The following SNX31 variants were observed in gnomAD, a reference collection of about 807,000 sequenced individuals.
The protein encoded by SNX31 is sorting nexin 31.
SNX31 carries 58 observed loss-of-function variants against 65.4 expected under a neutral mutation model. The ratio of observed to expected loss-of-function variants is 0.89; its 90% CI spans 0.72 to 1.10. The LOEUF is 1.10. SNX31 is among the 50% of genes least tolerant of loss of function. SNX31 has a pLI of 0.00. For synonymous variants in SNX31, 181 were observed against 190.1 expected (o/e 0.95, Z 0.39); for missense variants, 523 against 529.7 (o/e 0.99, Z 0.12).
At chr8:100,646,030 G>A (rs1233778989) in intron 2 of SNX31, among the ~76,000 whole-genome samples, 1 of 152,248 alleles carries the variant, frequency 6.6e-6, no homozygotes, top group African/African-American at 2.4e-5. Flanking sequence ...AGATGTTGGA[G>A]GCCTGGGGTC....
chr8:100,582,905 C>T (rs1404620042), intron 12 of SNX31, among the ~76,000 whole-genome samples: 3 of 151,298 alleles, frequency 2.0e-5, no homozygotes, highest in Non-Finnish European at 4.4e-5. Flanking sequence ...ATGGTGTGAA[C>T]CCGGAAGGCG....
chr8:100,659,561 T>C (rs1370341172), intron 1 of SNX31, among the ~76,000 whole-genome samples: 3 of 152,174 alleles, frequency 2.0e-5, no homozygotes, highest in African/African-American at 7.2e-5. Context: ...CGAGAATGTT[T>C]CCTGCTTTTC....
chr8:100,652,948 G>GA (rs1410601253), upstream of SNX31, among the ~76,000 whole-genome samples: 3 of 152,000 alleles, frequency 2.0e-5, no homozygotes, highest in Non-Finnish European at 4.4e-5. Flanking sequence ...GTGGCCATAT[G>GA]AAAAAAAGGG....
chr8:100,606,297 AGTGCTGGGATTACAG>A (rs1163742070), intron 8 of SNX31, among the ~76,000 whole-genome samples: 11 of 152,218 alleles, frequency 7.2e-5, no homozygotes, highest in African/African-American at 2.7e-4. Flanking sequence ...AGCCTCTCAA[AGTGCTGGGATTACAG>A]GTGTGTGTCC....
intron 12 of SNX31, among the ~76,000 whole-genome samples, chr8:100,580,907 C>A (rs1813437430): frequency 6.6e-6 from 1 of 152,080 alleles, no homozygotes; most frequent in Non-Finnish European, 1.5e-5. Context: ...TAATTAAGAG[C>A]AGCAAATATT....
rs564864798 is a variant in SNX31, at chr8:100,655,455, C to T, written c.-58+7687G>A. On this transcript the variant is annotated intron_variant, in intron 1 of 5. Transcript: ENST00000520352. ...TCACTGAATCATGGGGGCAGTTTCC[C>T]CCATACTGTTCTCGTGGTGGTGAAT... 8.4e-4 allele frequency among the ~76,000 whole-genome samples: 128 copies of T among 152,132 alleles called. No homozygotes were observed. The Middle Eastern group carries it at 0.014, about 16-fold the overall frequency.
rs763791608 is a variant in SNX31 at position 100,630,423 on chromosome 8, A to ATGGGC, written c.257-37_257-33dup. 54 of 1,604,088 alleles carry ATGGGC rather than the reference A, an allele frequency of 3.4e-5. 1 individual carries two copies. The South Asian group carries it at 4.6e-4, about 14-fold the overall frequency. On this transcript the variant is annotated intron_variant, in intron 3 of 13. Coordinates refer to ENST00000311812, the MANE Select transcript of SNX31 (RefSeq NM_152628.4). This position sits in a 1 kb window ranked among gnomAD's most constrained non-coding sequence, Gnocchi z 5.3. ...AACATGGACGGTGAGCCAGGTTAGC[A>ATGGGC]TGGGCTGGGCTGGGCCCTGCCTATT...
intron 13 of SNX31, 107 bp from the exon 14 acceptor site, chr8:100,574,067 T>TTA: frequency 1.7e-6 from 1 of 600,366 alleles, no homozygotes; most frequent in Non-Finnish European, 2.8e-6. Flanking sequence ...AACAGAAAGC[T>TTA]TACATTTGTA....
At chr8:100,599,642 G>A (rs372413998) in intron 9 of SNX31, among the ~76,000 whole-genome samples, 22 of 151,744 alleles carry the variant, frequency 1.4e-4, no homozygotes, top group Admixed American at 3.9e-4. Flanking sequence ...GTTGTATTTC[G>A]TTCAAAAATC....
rs1052833255 is a variant in SNX31 at position 100,610,710 on chromosome 8, T to C, written c.611+1290A>G. 2.0e-5 allele frequency among the ~76,000 whole-genome samples: 3 copies of C among 152,208 alleles called. No individual in the cohort carries two copies. The highest frequency in any genetic ancestry group is 4.4e-5 in the Non-Finnish European group (3 of 68,044). On this transcript the variant is annotated intron_variant, in intron 7 of 13. Transcript: ENST00000311812. The surrounding 1 kb of genome is among the most constrained non-coding windows in gnomAD (Gnocchi z 4.0). ...ATGGAACTGAGTTCTTCTCCCCTTC[T>C]CAGGGTTTCACATCTCAAGATCTGG...
At chr8:100,600,054 T>C (rs1055487416) in intron 9 of SNX31, among the ~76,000 whole-genome samples, 17 of 152,166 alleles carry the variant, frequency 1.1e-4, no homozygotes, top group Admixed American at 1.1e-3. Context: ...AGCCAAACGA[T>C]AATATAACCA....
At chr8:100,596,201 A>G (rs7834792) in intron 10 of SNX31, among the ~76,000 whole-genome samples, 8,411 of 152,218 alleles carry the variant, frequency 0.055, 789 homozygotes, top group African/African-American at 0.19. Context: ...CAAAGTGGGC[A>G]CTCAATAAAT....
Position 100,635,231 on chromosome 8 carries a change from T to TTTATTTATTTATTTATTTATTTATTTAC in SNX31, c.256+665_256+666insGTAAATAAATAAATAAATAAATAAATAA, listed in dbSNP as rs1818682181. ...AGTGAGACCTCATCTCTTTTATTTA[T>TTTATTTATTTATTTATTTATTTATTTAC]TTATTTATTTATTTTTATCTTTTTT... On this transcript the variant is annotated intron_variant, in intron 3 of 13. Coordinates refer to ENST00000311812, the MANE Select transcript of SNX31 (RefSeq NM_152628.4). Among the ~76,000 whole-genome samples, 14 of 151,768 alleles carry TTTATTTATTTATTTATTTATTTATTTAC rather than the reference T, an allele frequency of 9.2e-5. No homozygotes were observed. In the South Asian group the frequency reaches 2.9e-3, roughly 32 times the overall value.
In SNX31 at chr8:100,648,855, C is replaced by A. The variant is rs1039606857; in HGVS notation, c.141+419G>T. ...CTCTCGAGACAAAGGAGATTAAATACCCATGTACAAGACTCCAAAGACTCT... is the reference window on the plus strand; with the variant it reads ...CTCTCGAGACAAAGGAGATTAAATAACCATGTACAAGACTCCAAAGACTCT... On this transcript the variant is annotated intron_variant, in intron 2 of 13. Coordinates refer to ENST00000311812, the MANE Select transcript of SNX31 (RefSeq NM_152628.4). The surrounding 1 kb of genome is among the most constrained non-coding windows in gnomAD (Gnocchi z 4.3). Among the ~76,000 whole-genome samples the A allele has an allele frequency of 6.6e-6, 1 of 152,224 alleles. No homozygotes were observed. Among genetic ancestry groups the A allele is most frequent in the African/African-American group, 2.4e-5 (1 of 41,470 alleles).
chr8:100,639,630 C>T (rs56325907), intron 2 of SNX31, among the ~76,000 whole-genome samples: 94,621 of 151,984 alleles, frequency 0.62, 31,226 homozygotes, highest in African/African-American at 0.85. Context: ...ATATAGATGA[C>T]TACATATAGA....
intron 1 of SNX31, among the ~76,000 whole-genome samples, chr8:100,655,685 G>C (rs1187922561): frequency 6.6e-6 from 1 of 152,172 alleles, no homozygotes; most frequent in African/African-American, 2.4e-5. Context: ...TTTATCAGCA[G>C]GAGTTTGTTG....
chr8:100,661,564 A>G (rs1035874930), intron 1 of SNX31, among the ~76,000 whole-genome samples: 8 of 151,998 alleles, frequency 5.3e-5, no homozygotes, highest in Admixed American at 5.2e-4. Flanking sequence ...TTTAATCTAG[A>G]TAGGGTCTCA....
chr8:100,576,096 C>T lies in SNX31; in HGVS notation c.1227+923G>A, dbSNP rs1417200456. 2.0e-5 allele frequency among the ~76,000 whole-genome samples: 3 copies of T among 152,184 alleles called. No individual in the cohort carries two copies. The highest frequency in any genetic ancestry group is 2.9e-5 in the Non-Finnish European group (2 of 68,036). ...CCAGTAAGCAGTGGAGTTCCTATCT[C>T]GTCTCTCTGTCCAACCAGCCAGAAG... On this transcript the variant is annotated intron_variant, in intron 13 of 13. Transcript: ENST00000311812. The surrounding 1 kb of genome is among the most constrained non-coding windows in gnomAD (Gnocchi z 4.8).
chr8:100,643,844 T>C (rs1052644433), intron 2 of SNX31, among the ~76,000 whole-genome samples: 2 of 152,162 alleles, frequency 1.3e-5, no homozygotes, highest in African/African-American at 4.8e-5. Flanking sequence ...GGATTTTGCT[T>C]ATAAATAATC....
Sources: allele counts gnomAD v4.1 joint callset (sites outside exome capture counted in the v4.1 genomes callset), GRCh38; gene constraint gnomAD v4.1.1; non-coding constraint Gnocchi (gnomAD v3.1); transcripts MANE v1.5; gene names NCBI Gene and HGNC (gene_info 2026-07-23, HGNC 2026-07-21).